Variants in BRD1 observed in about 807,000 individuals in gnomAD.
The protein encoded by BRD1 is bromodomain containing 1.
In BRD1, 24 loss-of-function variants were observed where a neutral mutation model predicts 107.7. The ratio of observed to expected loss-of-function variants is 0.22; its 90% confidence interval spans 0.16 to 0.31. The LOEUF (loss-of-function observed/expected upper bound fraction) is 0.31. Among genes scored for constraint, BRD1 ranks in the 10% least tolerant of loss-of-function variants. BRD1 has a pLI of 1.00. For synonymous variants in BRD1, 744 were observed against 686.1 expected, an observed-to-expected ratio of 1.08 and a Z score of -1.32; for missense variants, 1,279 against 1,638.6, an observed-to-expected ratio of 0.78 and a Z score of 3.79.
chr22:49,775,836 C>CCCCCCCCCTGT, intron 11 of BRD1, 91 bp from the exon 12 acceptor site: 1 of 1,270,248 alleles, frequency 7.9e-7, no homozygotes, highest in South Asian at 1.8e-5. Context: ...CCTCCCCACC[C>CCCCCCCCCTGT]CAGCTGTGTG....
At chr22:49,816,215 T>G (rs1263045576) in intron 2 of BRD1, among the ~76,000 whole-genome samples, 2 of 152,166 alleles carry the variant, frequency 1.3e-5, no homozygotes, top group Admixed American at 6.5e-5. Context: ...CCGCGGCCGG[T>G]GGCTCTAATC....
intron 12 of BRD1, among the ~76,000 whole-genome samples, chr22:49,774,844 A>G (rs1253524277): frequency 2.0e-5 from 3 of 152,262 alleles, no homozygotes; most frequent in Non-Finnish European, 2.9e-5. Flanking sequence ...CCAAAGAGGC[A>G]GAGGTCGAGG....
At position 49,818,227 on chromosome 22, in the gene BRD1, T is replaced by C. The variant is rs1275352041; in HGVS notation, c.1367+4724A>G. On this transcript the variant is annotated intron_variant, in intron 2 of 12. Transcript: ENST00000404760. ...CACCCATCACAAAGCCTTGCCTATC[T>C]GAGGTTCTTGTCCGTGAGGCTGAAG... is the stretch of plus-strand genomic sequence containing the variant. 7 of 1,200,722 alleles carry C rather than the reference T, an allele frequency of 5.8e-6. No individual in the cohort carries two copies. The African/African-American group carries it at 1.1e-4, about 19-fold the overall frequency. 74.4% of individuals were successfully genotyped at this position (1,200,722 alleles called of 1,614,324 possible).
rs1204641413 is a variant in BRD1, at chr22:49,803,874, C to CAGCATAACACATCCCTG, written c.1524+313_1524+329dup. 8.5e-5 allele frequency among the ~76,000 whole-genome samples: 13 copies of CAGCATAACACATCCCTG among 152,374 alleles called. 1 individual carries two copies. Among genetic ancestry groups the CAGCATAACACATCCCTG allele is most frequent in the African/African-American group, 2.6e-4 (11 of 41,584 alleles). ...CCCAGCCCGGACGCTCATGCAGCCA[C>CAGCATAACACATCCCTG]AGCATAACACATCCCTGAGCATCCC... is the stretch of plus-strand genomic sequence containing the variant. On this transcript the variant is annotated intron_variant, in intron 3 of 12. Coordinates refer to ENST00000404760, the MANE Select transcript of BRD1 (RefSeq NM_001304808.3). This position sits in a 1 kb window ranked among gnomAD's most constrained non-coding sequence, Gnocchi z 4.4.
Position 49,777,883 on chromosome 22 carries a change from T to C in BRD1, c.2858-70A>G. Reference sequence around the variant, plus strand: ...ACACTGAAGCATGACTCAACGACGTTACACTTGGAACACATCTTACAAAGC... The same window carrying C: ...ACACTGAAGCATGACTCAACGACGTCACACTTGGAACACATCTTACAAAGC... On this transcript the variant is annotated intron_variant, in intron 8 of 12. Transcript: ENST00000404760. 3 of 1,510,478 alleles carry C rather than the reference T, an allele frequency of 2.0e-6. No individual in the cohort carries two copies. In the East Asian group the frequency reaches 7.1e-5, roughly 36 times the overall value. The allele number at this position is 1,510,478 out of a possible 1,614,324, so 93.6% of individuals were successfully genotyped here. A position where few individuals can be genotyped will look rare whatever the true frequency, so the allele number is the denominator to read the frequency against.
At chr22:49,785,169 T>G (rs2059298694) in intron 8 of BRD1, among the ~76,000 whole-genome samples, 1 of 152,222 alleles carries the variant, frequency 6.6e-6, no homozygotes, top group East Asian at 1.9e-4. Flanking sequence ...TGAACGAGCC[T>G]GAGAGGTTGC....
In BRD1 at chr22:49,804,252, C is replaced by A; in HGVS notation, c.1476G>T (p.Leu492=). 1 of 1,608,516 alleles carries A rather than the reference C, an allele frequency of 6.2e-7. No homozygotes were observed. Among genetic ancestry groups the A allele is most frequent in the Non-Finnish European group, 8.5e-7 (1 of 1,177,442 alleles). ...LKRLSRNGAP[L]LRRLQSSLQS... ...GCAGGCTGGACTGCAGCCGCCGCAG[C>A]AGGGGGGCCCCGTTCCTGGACAGCC... The change falls in exon 3 of 13, where the codon CTG becomes CTT. Residue 492 remains leucine (L), a synonymous_variant. Coordinates refer to ENST00000404760, the MANE Select transcript of BRD1 (RefSeq NM_001304808.3).
In BRD1 at chr22:49,777,115, G is replaced by T. The variant is rs769586081; in HGVS notation, c.3040C>A (p.Arg1014=). The T allele has an allele frequency of 1.2e-6, 2 of 1,613,234 alleles. No individual in the cohort carries two copies. Among genetic ancestry groups the T allele is most frequent in the Non-Finnish European group, 8.5e-7 (1 of 1,180,016 alleles). ...TCACTGCGGTCCTCCAGCGTGTGCC[G>T]TCGCACAAGAGCCGGTTTGCCCCGC... ...CGRGKPALVR[R]HTLEDRSELI... is the part of the protein sequence containing the mutation. The change falls in exon 10 of 13, where the codon CGG becomes AGG. Residue 1014 remains arginine, a synonymous_variant. Transcript: ENST00000404760.
rs146109959 is a variant in BRD1, at chr22:49,826,106, C to T, written c.-15+1391G>A. The T allele has an allele frequency of 6.3e-4, 583 of 931,896 alleles. 1 individual carries two copies. The African/African-American group carries it at 9.5e-3, about 15-fold the overall frequency. 57.7% of individuals were successfully genotyped at this position (931,896 alleles called of 1,614,324 possible). A position where few individuals can be genotyped will look rare whatever the true frequency, so the allele number is the denominator to read the frequency against. On this transcript the variant is annotated intron_variant, in intron 1 of 12. Coordinates refer to ENST00000404760, the MANE Select transcript of BRD1 (RefSeq NM_001304808.3). ...CCCTAGTGCACCCGGGACGCCGACA[C>T]GCGTCATTACTGAGGTGGGGCAGAA...
At chr22:49,798,235 C>G (rs2059571713) in intron 5 of BRD1, 118 bp from the exon 6 acceptor site, 2 of 1,097,008 alleles carry the variant, frequency 1.8e-6, no homozygotes, top group Admixed American at 4.9e-5. Flanking sequence ...CACACAGACA[C>G]GCAGACGGTA....
rs947140564 is a variant in BRD1 at position 49,824,671 on chromosome 22, A to G, written c.-14-340T>C. ...CCCAAGGAGGAGGGGTCCGGCCCAG[A>G]GCCCACAGTTGCAGGACTTTCCCAG... is the stretch of plus-strand genomic sequence containing the variant. On this transcript the variant is annotated intron_variant, in intron 1 of 12. Transcript: ENST00000404760. The surrounding 1 kb of genome is among the most constrained non-coding windows in gnomAD (Gnocchi z 5.9). The G allele has an allele frequency of 5.4e-6, 6 of 1,114,446 alleles. No homozygotes were observed. The highest frequency in any genetic ancestry group is 6.6e-6 in the Non-Finnish European group (6 of 908,370). 69.0% of individuals were successfully genotyped at this position (1,114,446 alleles called of 1,614,324 possible). A position where few individuals can be genotyped will look rare whatever the true frequency, so the allele number is the denominator to read the frequency against.
chr22:49,809,474 G>A (rs955052045), intron 2 of BRD1, among the ~76,000 whole-genome samples: 1 of 151,912 alleles, frequency 6.6e-6, no homozygotes, highest in African/African-American at 2.4e-5. Context: ...ACGGGAGGCG[G>A]AGGTTGTAGT....
In BRD1 at chr22:49,787,851, G is replaced by A. The variant is rs2059360391; in HGVS notation, c.2396C>T (p.Ala799Val). 2 of 1,546,114 alleles carry A rather than the reference G, an allele frequency of 1.3e-6. No homozygotes were observed. The highest frequency in any genetic ancestry group is 1.7e-6 in the Non-Finnish European group (2 of 1,143,638). The change falls in exon 8 of 13, where the codon GCA (alanine) becomes GTA (valine). Residue 799 changes from alanine to valine, a missense_variant. Transcript: ENST00000404760. ...CTCCGAGTTTGAAGGAAGAGGTAAT[G>A]CATCTGATGGTTCAAGTTTAGGGGG... is the stretch of plus-strand genomic sequence containing the variant. ...KSPPKLEPSD[A>V]LPLPSNSETN...
Position 49,774,051 on chromosome 22 carries a change from A to G in BRD1, c.*182T>C. On this transcript the variant is annotated 3_prime_UTR_variant, in exon 13 of 13. Coordinates refer to ENST00000404760, the MANE Select transcript of BRD1 (RefSeq NM_001304808.3). Reference sequence around the variant, plus strand: ...TGGGCTGCCCGGACGTGCCCACCCCACTCACAGCGCCCAGACGGAGATGGG... The same window carrying G: ...TGGGCTGCCCGGACGTGCCCACCCCGCTCACAGCGCCCAGACGGAGATGGG... 1 of 793,628 alleles carries G rather than the reference A, an allele frequency of 1.3e-6. No homozygotes were observed. Among genetic ancestry groups the G allele is most frequent in the Non-Finnish European group, 1.9e-6 (1 of 528,340 alleles). 49.2% of individuals were successfully genotyped at this position (793,628 alleles called of 1,614,324 possible).
rs750265367 is a variant in BRD1, at chr22:49,797,947, C to A, written c.1956G>T (p.Ala652=). The A allele has an allele frequency of 1.2e-6, 2 of 1,614,096 alleles. No individual in the cohort carries two copies. The highest frequency in any genetic ancestry group is 2.7e-5 in the African/African-American group (2 of 74,918). Reference sequence around the variant, plus strand: ...CACCTCCCTGATCGCGCAGCCTCACCGCGGCTCTATAGAACACGGTGTCCC... The same window carrying A: ...CACCTCCCTGATCGCGCAGCCTCACAGCGGCTCTATAGAACACGGTGTCCC... The part of the protein sequence containing the change: ...NARDTVFYRA[A]VRLRDQGGVV... Residue 652 remains alanine (A), a synonymous_variant, in exon 6 of 13, where the codon GCG becomes GCT. Coordinates refer to ENST00000404760, the MANE Select transcript of BRD1 (RefSeq NM_001304808.3).
intron 8 of BRD1, among the ~76,000 whole-genome samples, chr22:49,786,955 G>A (rs1051427834): frequency 5.9e-5 from 9 of 152,136 alleles, no homozygotes; most frequent in Admixed American, 3.3e-4. Context: ...TTAGCTGGGA[G>A]TGGTGGTGTG....
intron 2 of BRD1, among the ~76,000 whole-genome samples, chr22:49,820,536 T>C (rs2060046160): frequency 6.6e-6 from 1 of 151,766 alleles, no homozygotes; most frequent in African/African-American, 2.4e-5. Context: ...AGTCCAAGAG[T>C]TTGAGGCTAC....
chr22:49,788,938 T>C (rs1029589117), intron 7 of BRD1, among the ~76,000 whole-genome samples: 1 of 152,268 alleles, frequency 6.6e-6, no homozygotes, highest in African/African-American at 2.4e-5. Context: ...ACTATTGTCA[T>C]TCAAAAAGTT....
chr22:49,809,486 A>T (rs1156820474), intron 2 of BRD1, among the ~76,000 whole-genome samples: 1 of 151,996 alleles, frequency 6.6e-6, no homozygotes, highest in Non-Finnish European at 1.5e-5. Flanking sequence ...GGTTGTAGTG[A>T]GCCGAGATCG....
Sources: allele counts gnomAD v4.1 joint callset (sites outside exome capture counted in the v4.1 genomes callset), GRCh38; gene constraint gnomAD v4.1.1; non-coding constraint Gnocchi (gnomAD v3.1); transcripts MANE v1.5; gene names NCBI Gene and HGNC (gene_info 2026-07-23, HGNC 2026-07-21).